Variants in HEATR5A observed in about 807,000 individuals in gnomAD.
The protein encoded by HEATR5A is HEAT repeat containing 5A, also known as HEAT repeat-containing protein 5A.
HEATR5A carries 178 observed loss-of-function variants against 218.8 expected under a neutral mutation model. The observed-to-expected ratio is 0.81, with a 90% CI of 0.72 to 0.92. HEATR5A has a LOEUF of 0.92. Ranked by LOEUF, HEATR5A falls within the 40% of genes least tolerant of loss-of-function variation. The pLI is 0.00. For missense variants in HEATR5A, 2,420 were observed against 2,418.9 expected (o/e 1.00, Z -0.01); for synonymous variants, 864 against 871.6 (o/e 0.99, Z 0.15).
At chr14:31,372,087 T>TA (rs769797994) in intron 12 of HEATR5A, among the ~76,000 whole-genome samples, 178 bp from the exon 13 acceptor site, 26 of 150,366 alleles carry the variant, frequency 1.7e-4, no homozygotes, top group African/African-American at 5.1e-4. Flanking sequence ...TAATCATACT[T>TA]AAAAAAACAA....
chr14:31,411,555 G>T (rs1173456696), intron 1 of HEATR5A, among the ~76,000 whole-genome samples: 1 of 152,194 alleles, frequency 6.6e-6, no homozygotes, highest in African/African-American at 2.4e-5. Flanking sequence ...TGGGAAGAGG[G>T]GGAAATCCAA....
chr14:31,405,534 G>A (rs1304424759), intron 1 of HEATR5A, among the ~76,000 whole-genome samples: 3 of 152,148 alleles, frequency 2.0e-5, no homozygotes, highest in Non-Finnish European at 2.9e-5. Flanking sequence ...CCTTTCCTTT[G>A]TTCAATTATC....
intron 20 of HEATR5A, among the ~76,000 whole-genome samples, chr14:31,344,268 CTTTTTTTT>C (rs577497140): frequency 9.6e-4 from 49 of 50,832 alleles, no homozygotes; most frequent in Non-Finnish European, 1.5e-3. Context: ...ATTAGTTATT[CTTTTTTTT>C]TTTTTTTTTT....
chr14:31,315,090 T>C (rs551287001), intron 27 of HEATR5A, among the ~76,000 whole-genome samples: 1 of 152,224 alleles, frequency 6.6e-6, no homozygotes, highest in Admixed American at 6.5e-5. Context: ...CGAGAATCAC[T>C]TGAAACTGGG....
At chr14:31,358,066 T>A (rs1321041839) in intron 16 of HEATR5A, among the ~76,000 whole-genome samples, 1 of 152,142 alleles carries the variant, frequency 6.6e-6, no homozygotes, top group Non-Finnish European at 1.5e-5. Context: ...GGGATCTAGG[T>A]TGTGCACCCC....
chr14:31,295,557 CT>C (rs766889885), intron 34 of HEATR5A: 8,060 of 108,518 alleles, frequency 0.074, 639 homozygotes, highest in African/African-American at 0.21. Flanking sequence ...GCCTCCCTTT[CT>C]TTTTTTTTTT....
chr14:31,369,620 A>AC (rs1566771300), intron 13 of HEATR5A, among the ~76,000 whole-genome samples: 2 of 148,900 alleles, frequency 1.3e-5, no homozygotes, highest in Non-Finnish European at 3.0e-5. Context: ...AAAAAAAAAA[A>AC]AAAAAAAAAA....
rs1483618691 is a variant in HEATR5A at position 31,371,886 on chromosome 14, A to T, written c.1885T>A (p.Cys629Ser). 1 of 1,544,268 alleles carries T rather than the reference A, an allele frequency of 6.5e-7. No individual in the cohort carries two copies. The highest frequency in any genetic ancestry group is 8.8e-7 in the Non-Finnish European group (1 of 1,141,536). Residue 629 changes from cysteine (C) to serine (S), a missense_variant, in exon 13 of 36, where the codon TGT (cysteine) becomes AGT (serine). Cys to Ser is a moderately radical substitution (Grantham distance 112). Coordinates refer to ENST00000543095, the MANE Select transcript of HEATR5A (RefSeq NM_015473.4). The part of the protein sequence containing the change: ...LCAIKSFVSH[C>S]GDLLTEEVTQ... ...ACTTCCTCAGTAAGAAGATCACCAC[A>T]GTGGGAAACAAAGCTCTTGATAGCT... is the stretch of plus-strand genomic sequence containing the variant.
chr14:31,319,263 C>T (rs1381853414), intron 25 of HEATR5A, among the ~76,000 whole-genome samples: 3 of 152,220 alleles, frequency 2.0e-5, no homozygotes, highest in South Asian at 2.1e-4. Context: ...AGTGATTCTC[C>T]TGCCTCAGCC....
At chr14:31,391,794 T>G (rs1422550181) in intron 6 of HEATR5A, among the ~76,000 whole-genome samples, 1 of 152,192 alleles carries the variant, frequency 6.6e-6, no homozygotes, top group Non-Finnish European at 1.5e-5. Context: ...CAAATACCAT[T>G]GTATTACAGT....
At chr14:31,343,814 G>C (rs1190960722) in intron 21 of HEATR5A, 82 bp downstream of exon 21, 3 of 1,149,562 alleles carry the variant, frequency 2.6e-6, no homozygotes, top group South Asian at 3.8e-5. Context: ...ACATAGTCTA[G>C]AGTATAATTA....
chr14:31,392,552 A>G (rs535881799), intron 6 of HEATR5A, among the ~76,000 whole-genome samples: 41 of 152,322 alleles, frequency 2.7e-4, no homozygotes, highest in African/African-American at 9.9e-4. Flanking sequence ...AATAATCACT[A>G]TTAATTTATT....
chr14:31,295,272 G>A (rs565058305), intron 34 of HEATR5A, among the ~76,000 whole-genome samples: 2 of 151,988 alleles, frequency 1.3e-5, no homozygotes, highest in African/African-American at 2.4e-5. Context: ...TTGAGACAGC[G>A]TCTGGCTCTG....
At chr14:31,315,626 A>G in intron 27 of HEATR5A, 144 bp downstream of exon 27, 1 of 588,020 alleles carries the variant, frequency 1.7e-6, no homozygotes, top group Non-Finnish European at 2.9e-6. Flanking sequence ...TAACATATAA[A>G]TACATCACAT....
intron 25 of HEATR5A, chr14:31,320,441 G>A (rs1900055287): frequency 1.5e-6 from 2 of 1,341,548 alleles, no homozygotes; most frequent in East Asian, 2.3e-5. Flanking sequence ...CTTGGCGGCT[G>A]TGTCAGTGTC....
intron 11 of HEATR5A, among the ~76,000 whole-genome samples, chr14:31,376,215 T>C (rs527295585): frequency 1.3e-5 from 2 of 152,324 alleles, no homozygotes; most frequent in South Asian, 2.1e-4. Context: ...TATGAGTTTA[T>C]ACACAGAAGA....
chr14:31,295,118 C>T (rs982353401), intron 34 of HEATR5A, among the ~76,000 whole-genome samples: 14 of 151,912 alleles, frequency 9.2e-5, no homozygotes, highest in African/African-American at 3.1e-4. Context: ...TATGAACTCA[C>T]CTAGAGGCAC....
intron 1 of HEATR5A, among the ~76,000 whole-genome samples, chr14:31,404,013 G>C (rs954059237): frequency 1.3e-5 from 2 of 152,116 alleles, no homozygotes; most frequent in Non-Finnish European, 2.9e-5. Flanking sequence ...GTTAACAGCC[G>C]AATACAGGTA....
chr14:31,327,121 C>A (rs1900294587), intron 22 of HEATR5A, among the ~76,000 whole-genome samples: 1 of 151,380 alleles, frequency 6.6e-6, no homozygotes, highest in Admixed American at 6.6e-5. Flanking sequence ...ACTACAGGTG[C>A]CTGCCACCAT....
Sources: gnomAD v4.1 joint callset for allele counts (sites outside exome capture counted in the v4.1 genomes callset) on GRCh38, gnomAD v4.1.1 for gene constraint, MANE v1.5 for transcripts, NCBI Gene and HGNC (gene_info 2026-07-23, HGNC 2026-07-21) for gene names.